DENND4C: variants seen among roughly 807,000 people sequenced by gnomAD.
DENND4C encodes DENN domain-containing protein 4C.
DENND4C carries 108 observed loss-of-function variants against 203.0 expected under a neutral mutation model. The ratio of observed to expected loss-of-function variants is 0.53; its 90% confidence interval spans 0.46 to 0.62. The LOEUF is 0.62. Ranked by LOEUF, DENND4C falls within the 20% of genes least tolerant of loss-of-function variation. The pLI is 0.00. For synonymous variants in DENND4C, 871 were observed against 792.4 expected, an observed-to-expected ratio of 1.10 and a Z score of -1.67; for missense variants, 2,481 against 2,301.2, an observed-to-expected ratio of 1.08 and a Z score of -1.60.
chr9:19,235,599 G>C (rs996289186), intron 1 of DENND4C, among the ~76,000 whole-genome samples: 3 of 145,878 alleles, frequency 2.1e-5, no homozygotes, highest in Non-Finnish European at 4.5e-5. Flanking sequence ...TTGGTTTACA[G>C]AAGAGTCATC....
rs777050871 is a variant in DENND4C, at chr9:19,350,704, A to G, written c.4320A>G (p.Glu1440=). ...ASAYSYSDDE[E]ETNRDYSFPA... ...GAATTTTTTTTTTTCAATTAAAGGA[A>G]GAAACTAATAGAGACTACAGCTTCC... The change falls in exon 24 of 33, where the codon GAA becomes GAG. Residue 1440 remains glutamate (E), a splice_region_variant and synonymous_variant. Coordinates refer to ENST00000434457, the MANE Select transcript of DENND4C (RefSeq NM_001330640.2). 55 of 1,595,156 alleles carry G rather than the reference A, an allele frequency of 3.4e-5. 1 individual carries two copies. In the East Asian group the frequency reaches 1.2e-3, roughly 34 times the overall value.
At chr9:19,351,928 C>A (rs931294933) in intron 24 of DENND4C, 145 bp from the exon 25 acceptor site, 1 of 590,446 alleles carries the variant, frequency 1.7e-6, no homozygotes, top group Non-Finnish European at 3.0e-6. Context: ...TTATCTCTTT[C>A]TATGTATGCA....
At chr9:19,289,880 A>ATG (rs1482664539) in intron 4 of DENND4C, among the ~76,000 whole-genome samples, 1 of 151,156 alleles carries the variant, frequency 6.6e-6, no homozygotes, top group Non-Finnish European at 1.5e-5. Flanking sequence ...TATGTTGATT[A>ATG]TGTGTGATGT....
intron 1 of DENND4C, among the ~76,000 whole-genome samples, chr9:19,240,364 A>G (rs545653072): frequency 3.2e-4 from 48 of 152,272 alleles, no homozygotes; most frequent in Non-Finnish European, 5.7e-4. Flanking sequence ...ATACAATAAA[A>G]ATACGGTATA....
rs751576088 is a variant in DENND4C at position 19,299,211 on chromosome 9, C to CTTT, written c.1108-6_1108-4dup. 2.1e-4 allele frequency: 259 copies of CTTT among 1,228,780 alleles called. No homozygotes were observed. Among genetic ancestry groups the CTTT allele is most frequent in the Non-Finnish European group, 6.6e-5 (60 of 911,214 alleles). The allele number at this position is 1,228,780 out of a possible 1,614,324, so 76.1% of individuals were successfully genotyped here. On this transcript the variant is annotated splice_polypyrimidine_tract_variant and intron_variant, in intron 7 of 32. Transcript: ENST00000434457. ...GTTAATTTATCTTTGGTTAATTTAT[C>CTTT]TTTTTTTTTTTTTTAAGCTGTCAGT... is the stretch of plus-strand genomic sequence containing the variant.
At chr9:19,268,640 TTTTG>T in intron 1 of DENND4C, among the ~76,000 whole-genome samples, 1 of 152,282 alleles carries the variant, frequency 6.6e-6, no homozygotes, top group African/African-American at 2.4e-5. Flanking sequence ...ATCCCTCAGC[TTTTG>T]TTTGTTTGGG....
At chr9:19,323,799 G>A (rs1345990810) in intron 12 of DENND4C, among the ~76,000 whole-genome samples, 1 of 152,154 alleles carries the variant, frequency 6.6e-6, no homozygotes, top group African/African-American at 2.4e-5. Flanking sequence ...GTTCCTTATA[G>A]GGGATTTAGA....
At chr9:19,262,672 T>G (rs1564097645) in intron 1 of DENND4C, among the ~76,000 whole-genome samples, 1 of 152,074 alleles carries the variant, frequency 6.6e-6, no homozygotes, top group African/African-American at 2.4e-5. Flanking sequence ...CCTCAAGTGA[T>G]CCATCTGCCT....
intron 1 of DENND4C, among the ~76,000 whole-genome samples, chr9:19,275,602 C>G (rs982783680): frequency 5.9e-5 from 9 of 152,104 alleles, no homozygotes; most frequent in African/African-American, 9.7e-5. Flanking sequence ...TCCCGGGTAG[C>G]TGGGATTATA....
chr9:19,321,723 T>A (rs747393964), intron 12 of DENND4C, among the ~76,000 whole-genome samples: 1 of 150,862 alleles, frequency 6.6e-6, no homozygotes, highest in African/African-American at 2.4e-5. Flanking sequence ...TCCCAGCTAC[T>A]CAGGAGGCTG....
At chr9:19,310,331 A>C (rs1563789322) in intron 10 of DENND4C, among the ~76,000 whole-genome samples, 2 of 152,204 alleles carry the variant, frequency 1.3e-5, no homozygotes, top group East Asian at 1.9e-4. Flanking sequence ...TTCAAAGGGG[A>C]TACTTTGAGC....
rs1286169917 is a variant in DENND4C at position 19,279,210 on chromosome 9, T to A, written c.305+2731T>A. On this transcript the variant is annotated intron_variant, in intron 2 of 32. Coordinates refer to ENST00000434457, the MANE Select transcript of DENND4C (RefSeq NM_001330640.2). ...TGGGTGTGGCAGTGTGCGCCTGTAGTCCCAGCTACTCAGGAGGCTGAGGCA... is the reference window on the plus strand; with the variant it reads ...TGGGTGTGGCAGTGTGCGCCTGTAGACCCAGCTACTCAGGAGGCTGAGGCA... 1.7e-5 allele frequency among the ~76,000 whole-genome samples: 2 copies of A among 118,818 alleles called. 1 individual carries two copies. The highest frequency in any genetic ancestry group is 3.6e-5 in the Non-Finnish European group (2 of 55,498). The allele number at this position is 118,818 out of a possible 152,430, so 77.9% of individuals were successfully genotyped here. A position where few individuals can be genotyped will look rare whatever the true frequency, so the allele number is the denominator to read the frequency against.
chr9:19,308,623 T>C (rs1055473717), intron 10 of DENND4C, among the ~76,000 whole-genome samples: 1 of 152,230 alleles, frequency 6.6e-6, no homozygotes, highest in Non-Finnish European at 1.5e-5. Context: ...TGTCATTCCA[T>C]TGTGTTTATG....
At chr9:19,317,407 G>C (rs1411804110) in intron 12 of DENND4C, among the ~76,000 whole-genome samples, 2 of 151,958 alleles carry the variant, frequency 1.3e-5, no homozygotes, top group African/African-American at 4.8e-5. Context: ...CTTTGTTCCA[G>C]GGAAAAACGT....
At chr9:19,296,364 C>CTT (rs749134604) in intron 6 of DENND4C, 118 bp downstream of exon 6, 7,417 of 472,190 alleles carry the variant, frequency 0.016, no homozygotes, top group South Asian at 0.022. Flanking sequence ...TTTAACTGAA[C>CTT]TTTTTTTTTT....
chr9:19,314,353 C>G (rs1841354673), intron 10 of DENND4C, among the ~76,000 whole-genome samples: 1 of 151,918 alleles, frequency 6.6e-6, no homozygotes, highest in African/African-American at 2.4e-5. Flanking sequence ...ACTCAGGAGC[C>G]TGAGGCAGGA....
At position 19,358,113 on chromosome 9, in the gene DENND4C, C is replaced by G. The variant is rs1208200884; in HGVS notation, c.5113C>G (p.His1705Asp). Residue 1705 changes from histidine to aspartate, a missense_variant, in exon 28 of 33, where the codon CAT becomes GAT. Around this residue, in one of 3 missense-constraint regions of DENND4C, gnomAD observed 2,289 missense variants for 2,113.3 expected, o/e 1.08. Transcript: ENST00000434457. The surrounding 1 kb of genome is among the most constrained non-coding windows in gnomAD (Gnocchi z 4.8). ...TATTGACTTTACCCAGCGACCGTTT[C>G]ATGGCATCTCAACAGTTAGTCTTCC... ...QNIDFTQRPF[H>D]GISTVSLPNS... is the part of the protein sequence containing the mutation. 6.2e-7 allele frequency: 1 copy of G among 1,613,884 alleles called. No individual in the cohort carries two copies. Among genetic ancestry groups the G allele is most frequent in the East Asian group, 2.2e-5 (1 of 44,864 alleles).
rs1158775488 is a variant in DENND4C at position 19,298,053 on chromosome 9, T to A, written c.1041-3T>A. ...TATATTTATTTCAAATTTTTTTTTC[T>A]AGGCACATTTCACATTTTATGCAAA... On this transcript the variant is annotated splice_polypyrimidine_tract_variant and splice_region_variant and intron_variant, in intron 6 of 32. Coordinates refer to ENST00000434457, the MANE Select transcript of DENND4C (RefSeq NM_001330640.2). The A allele has an allele frequency of 6.2e-7, 1 of 1,605,804 alleles. No individual in the cohort carries two copies. Among genetic ancestry groups the A allele is most frequent in the Non-Finnish European group, 8.5e-7 (1 of 1,176,126 alleles).
At chr9:19,320,864 A>G (rs539436347) in intron 12 of DENND4C, among the ~76,000 whole-genome samples, 6 of 152,354 alleles carry the variant, frequency 3.9e-5, no homozygotes, top group Admixed American at 1.3e-4. Flanking sequence ...AAGGAAAGAA[A>G]GCCTTTCATT....
Sources: gnomAD v4.1 joint callset for allele counts (sites outside exome capture counted in the v4.1 genomes callset) on GRCh38, gnomAD v4.1.1 for gene constraint, gnomAD v4.1.1 regional missense constraint, Gnocchi (gnomAD v3.1) non-coding constraint, MANE v1.5 for transcripts, NCBI Gene and HGNC (gene_info 2026-07-23, HGNC 2026-07-21) for gene names.